SEMA3A: variants seen among roughly 807,000 people sequenced by gnomAD.
SEMA3A encodes semaphorin 3A, also known as semaphorin-3A.
In SEMA3A, 29 loss-of-function variants were observed where a neutral mutation model predicts 97.9. That is an observed-to-expected ratio of 0.30 (90% CI 0.22 to 0.40). SEMA3A has a LOEUF of 0.40. Among genes scored for constraint, SEMA3A ranks in the 10% least tolerant of loss-of-function variants. The pLI, the probability that SEMA3A is intolerant of heterozygous loss-of-function variation, is 1.00. For missense variants in SEMA3A, 763 were observed against 951.3 expected (o/e 0.80, Z 2.60); for synonymous variants, 321 against 323.7 (o/e 0.99, Z 0.09).
intron 6 of SEMA3A, among the ~76,000 whole-genome samples, chr7:84,030,065 C>T (rs1791686957): frequency 6.6e-6 from 1 of 152,052 alleles, no homozygotes; most frequent in African/African-American, 2.4e-5. Flanking sequence ...CAGTGTGGCT[C>T]ATGTTCAAGA....
At chr7:84,364,182 A>T (rs1802788904) in intron 2 of SEMA3A, among the ~76,000 whole-genome samples, 1 of 151,716 alleles carries the variant, frequency 6.6e-6, no homozygotes, top group African/African-American at 2.4e-5. Context: ...ATACTGATAA[A>T]CATAAACAAA....
At chr7:84,048,835 A>C (rs2115598433) in intron 5 of SEMA3A, among the ~76,000 whole-genome samples, 1 of 152,166 alleles carries the variant, frequency 6.6e-6, no homozygotes, top group African/African-American at 2.4e-5. Flanking sequence ...GAAAATCCAT[A>C]ATTATGATGT....
chr7:84,284,549 AAATG>A (rs1562886317), intron 3 of SEMA3A, among the ~76,000 whole-genome samples: 2 of 152,134 alleles, frequency 1.3e-5, no homozygotes, highest in Admixed American at 1.3e-4. Flanking sequence ...TAGAATGGTA[AAATG>A]CTTTGTCTCC....
At chr7:84,463,438 C>T (rs1404869276) in intron 1 of SEMA3A, among the ~76,000 whole-genome samples, 2 of 151,514 alleles carry the variant, frequency 1.3e-5, no homozygotes, top group South Asian at 2.1e-4. Context: ...TTAGTAGAGA[C>T]GGGGTTTCAC....
At chr7:84,280,215 T>C (rs1196151472) in intron 3 of SEMA3A, among the ~76,000 whole-genome samples, 1 of 152,128 alleles carries the variant, frequency 6.6e-6, no homozygotes, top group Non-Finnish European at 1.5e-5. Context: ...TGAATAAAAG[T>C]TATTTCAGTC....
chr7:84,357,261 T>A (rs1225685260), intron 2 of SEMA3A, among the ~76,000 whole-genome samples: 2 of 151,852 alleles, frequency 1.3e-5, no homozygotes, highest in East Asian at 3.9e-4. Context: ...GTATATCTCC[T>A]AATGCTATGC....
chr7:84,183,897 T>C (rs1797802292), intron 1 of SEMA3A, among the ~76,000 whole-genome samples: 1 of 152,144 alleles, frequency 6.6e-6, no homozygotes, highest in Admixed American at 6.6e-5. Context: ...TACAGCTCAG[T>C]ATTATAGACT....
intron 4 of SEMA3A, among the ~76,000 whole-genome samples, chr7:84,089,134 C>G (rs1388265147): frequency 6.6e-6 from 1 of 152,110 alleles, no homozygotes; most frequent in Non-Finnish European, 1.5e-5. Flanking sequence ...TTGAGCACCA[C>G]TTTGCAGCAT....
chr7:83,967,175 T>G (rs1201893123), intron 15 of SEMA3A, among the ~76,000 whole-genome samples: 1 of 152,124 alleles, frequency 6.6e-6, no homozygotes, highest in Non-Finnish European at 1.5e-5. Context: ...TTCTGTTAAT[T>G]TCCCCTAACC....
intron 2 of SEMA3A, among the ~76,000 whole-genome samples, chr7:84,322,704 C>CA (rs1306878466): frequency 6.6e-6 from 1 of 152,192 alleles, no homozygotes; most frequent in Non-Finnish European, 1.5e-5. Flanking sequence ...TTATAAGTCT[C>CA]AGGTGTGTCT....
Position 84,087,949 on chromosome 7 carries a change from A to G in SEMA3A, c.453+22521T>C, listed in dbSNP as rs530858108. Among the ~76,000 whole-genome samples the G allele has an allele frequency of 2.6e-5, 4 of 152,110 alleles. No individual in the cohort carries two copies. The South Asian group carries it at 8.3e-4, about 32-fold the overall frequency. On this transcript the variant is annotated intron_variant, in intron 4 of 16. Transcript: ENST00000265362. ...CTATTCTTGTTTTGACTCTTTTTGG[A>G]ACTAGCTCAAATACTCTTAGGCATA...
chr7:84,440,134 G>A (rs757204226), intron 1 of SEMA3A, among the ~76,000 whole-genome samples: 1 of 152,168 alleles, frequency 6.6e-6, no homozygotes, highest in Non-Finnish European at 1.5e-5. Context: ...TAAAGCACTA[G>A]GAATCTGTCT....
At chr7:84,177,060 G>T (rs1797589886) in intron 1 of SEMA3A, among the ~76,000 whole-genome samples, 1 of 152,044 alleles carries the variant, frequency 6.6e-6, no homozygotes, top group Non-Finnish European at 1.5e-5. Flanking sequence ...CCTTCAAAAA[G>T]TAAAAAGGAC....
intron 2 of SEMA3A, among the ~76,000 whole-genome samples, chr7:84,317,150 T>A (rs1440031943): frequency 6.6e-6 from 1 of 152,134 alleles, no homozygotes; most frequent in African/African-American, 2.4e-5. Context: ...GGGACTTTTA[T>A]ACAAAACTTA....
intron 1 of SEMA3A, among the ~76,000 whole-genome samples, chr7:84,419,454 T>C (rs1255360407): frequency 1.3e-5 from 2 of 151,580 alleles, no homozygotes; most frequent in Admixed American, 6.6e-5. Flanking sequence ...AAATTAGAAC[T>C]CTTTCAGGGT....
intron 1 of SEMA3A, among the ~76,000 whole-genome samples, chr7:84,422,526 G>C (rs1228146101): frequency 6.6e-6 from 1 of 151,662 alleles, no homozygotes; most frequent in South Asian, 2.1e-4. Context: ...CTTCAGTTCT[G>C]CTCTGATCTT....
rs557833395 is a variant in SEMA3A, at chr7:84,143,231, G to A, written c.113-8280C>T. The stretch of plus-strand genomic sequence containing the variant: ...CTTTCTACTGGTGAAAGATGACAGA[G>A]TAAAACCATGTGTACTCTATCCCCT... On this transcript the variant is annotated intron_variant, in intron 1 of 16. Transcript: ENST00000265362. 3.3e-5 allele frequency among the ~76,000 whole-genome samples: 5 copies of A among 152,022 alleles called. No homozygotes were observed. In the South Asian group the frequency reaches 1.0e-3, roughly 32 times the overall value.
chr7:84,158,945 A>G (rs971846284), intron 1 of SEMA3A, among the ~76,000 whole-genome samples: 4 of 152,240 alleles, frequency 2.6e-5, no homozygotes, highest in Admixed American at 1.3e-4. Flanking sequence ...TTTATATAAT[A>G]GGTCACAGCT....
chr7:84,182,556 G>A (rs898932812), intron 1 of SEMA3A, among the ~76,000 whole-genome samples: 1 of 152,066 alleles, frequency 6.6e-6, no homozygotes, highest in Non-Finnish European at 1.5e-5. Flanking sequence ...GTCTCAGTAA[G>A]TACTCAGATC....
Sources: gnomAD v4.1 joint callset for allele counts (sites outside exome capture counted in the v4.1 genomes callset) on GRCh38, gnomAD v4.1.1 for gene constraint, MANE v1.5 for transcripts, NCBI Gene and HGNC (gene_info 2026-07-23, HGNC 2026-07-21) for gene names.